The following ZNF804B variants were observed in gnomAD, a reference collection of about 807,000 sequenced individuals.
ZNF804B encodes zinc finger 804B.
In ZNF804B, 80 loss-of-function variants were observed where a neutral mutation model predicts 101.4. The observed-to-expected ratio is 0.79, with a 90% CI of 0.66 to 0.95. ZNF804B has a LOEUF of 0.95. ZNF804B is among the 40% of genes least tolerant of loss of function. The pLI is 0.00. For synonymous variants in ZNF804B, 622 were observed against 558.8 expected, an observed-to-expected ratio of 1.11 and a Z score of -1.59; for missense variants, 1,673 against 1,561.9, an observed-to-expected ratio of 1.07 and a Z score of -1.20.
intron 1 of ZNF804B, among the ~76,000 whole-genome samples, chr7:88,894,353 C>G (rs931827908): frequency 3.3e-5 from 5 of 151,718 alleles, no homozygotes; most frequent in Non-Finnish European, 7.4e-5. Context: ...AGCTGGGATA[C>G]AGATATGCAC....
intron 1 of ZNF804B, among the ~76,000 whole-genome samples, chr7:88,771,870 T>G (rs1333597379): frequency 6.6e-6 from 1 of 152,112 alleles, no homozygotes; most frequent in Non-Finnish European, 1.5e-5. Flanking sequence ...GAATTATGTA[T>G]TTAATGGCAA....
At chr7:88,799,102 G>A (rs546766606) in intron 1 of ZNF804B, among the ~76,000 whole-genome samples, 4 of 152,012 alleles carry the variant, frequency 2.6e-5, no homozygotes, top group Admixed American at 6.6e-5. Flanking sequence ...CTTGTAACTC[G>A]TGTCAAAGAG....
chr7:89,149,653 G>T (rs1202721855), intron 1 of ZNF804B, among the ~76,000 whole-genome samples: 1 of 151,712 alleles, frequency 6.6e-6, no homozygotes. Flanking sequence ...TTAACATATA[G>T]TGAAAAAGAA....
intron 1 of ZNF804B, among the ~76,000 whole-genome samples, chr7:89,086,629 G>A (rs1469788879): frequency 6.6e-6 from 1 of 151,868 alleles, no homozygotes; most frequent in Non-Finnish European, 1.5e-5. Flanking sequence ...TCCTACCTTG[G>A]TTTCAAATAC....
intron 1 of ZNF804B, among the ~76,000 whole-genome samples, chr7:89,187,849 G>C (rs575347278): frequency 2.0e-4 from 31 of 152,204 alleles, no homozygotes; most frequent in African/African-American, 7.5e-4. Context: ...GAGTTCAAAA[G>C]AAACTTGTCA....
At chr7:88,905,205 T>A (rs906321398) in intron 1 of ZNF804B, among the ~76,000 whole-genome samples, 2 of 152,202 alleles carry the variant, frequency 1.3e-5, no homozygotes, top group Non-Finnish European at 2.9e-5. Context: ...ATTGAGATAA[T>A]CATAAGGTTT....
At chr7:88,941,147 C>T (rs1425033555) in intron 1 of ZNF804B, among the ~76,000 whole-genome samples, 2 of 151,972 alleles carry the variant, frequency 1.3e-5, no homozygotes, top group African/African-American at 4.8e-5. Flanking sequence ...AATAGAATCT[C>T]TCATTCTTTG....
chr7:89,193,567 G>C (rs1788495448), intron 1 of ZNF804B, among the ~76,000 whole-genome samples: 1 of 148,906 alleles, frequency 6.7e-6, no homozygotes, highest in African/African-American at 2.5e-5. Flanking sequence ...GTTGTGTTTG[G>C]TTTTTTGTCC....
chr7:89,034,337 A>G (rs1168284180), intron 1 of ZNF804B, among the ~76,000 whole-genome samples: 1 of 152,076 alleles, frequency 6.6e-6, no homozygotes, highest in African/African-American at 2.4e-5. Flanking sequence ...ATAGGTATAC[A>G]TGTGCCGTGG....
chr7:89,275,845 A>G (rs1789972020), intron 2 of ZNF804B, among the ~76,000 whole-genome samples: 2 of 151,862 alleles, frequency 1.3e-5, no homozygotes, highest in Non-Finnish European at 2.9e-5. Context: ...CCCATCGCCT[A>G]GAAATGTTAC....
chr7:89,109,850 A>G (rs1790189435), intron 1 of ZNF804B, among the ~76,000 whole-genome samples: 1 of 152,126 alleles, frequency 6.6e-6, no homozygotes, highest in Non-Finnish European at 1.5e-5. Context: ...GTGAGTTTAT[A>G]TGTCTTACTA....
chr7:88,811,443 T>C (rs1790785201), intron 1 of ZNF804B, among the ~76,000 whole-genome samples: 1 of 152,154 alleles, frequency 6.6e-6, no homozygotes, highest in African/African-American at 2.4e-5. Context: ...GAACCATAAA[T>C]ACCATTTGAC....
intron 2 of ZNF804B, among the ~76,000 whole-genome samples, chr7:89,265,920 T>C (rs10248522): frequency 0.041 from 6,269 of 152,268 alleles, 142 homozygotes; most frequent in Non-Finnish European, 0.049. Context: ...ATTGCAGTTC[T>C]TTTAGGGAGA....
chr7:89,317,709 C>A (rs1319092281), intron 2 of ZNF804B, among the ~76,000 whole-genome samples: 1 of 152,192 alleles, frequency 6.6e-6, no homozygotes, highest in Admixed American at 6.5e-5. Context: ...CAGGAAAGTT[C>A]AAGTGCATAA....
chr7:89,097,621 A>G (rs969760383), intron 1 of ZNF804B, among the ~76,000 whole-genome samples: 2 of 152,300 alleles, frequency 1.3e-5, no homozygotes, highest in East Asian at 1.9e-4. Flanking sequence ...TATCAACTCA[A>G]ATAAAACCTA....
chr7:89,137,374 C>T (rs549351672), intron 1 of ZNF804B, among the ~76,000 whole-genome samples: 16 of 152,104 alleles, frequency 1.1e-4, no homozygotes, highest in South Asian at 4.2e-4. Flanking sequence ...ATGGCTTTGG[C>T]GAAAATTCTA....
At chr7:88,933,931 CAAAA>C (rs3034321) in intron 1 of ZNF804B, among the ~76,000 whole-genome samples, 2 of 135,640 alleles carry the variant, frequency 1.5e-5, no homozygotes, top group African/African-American at 2.6e-5. Context: ...TGTATTAAAC[CAAAA>C]AAAAAAAAAA....
intron 2 of ZNF804B, among the ~76,000 whole-genome samples, chr7:89,279,756 G>A (rs1366391334): frequency 6.6e-6 from 1 of 151,908 alleles, no homozygotes; most frequent in African/African-American, 2.4e-5. Context: ...CGGTTTGCCA[G>A]TATTTTATTG....
intron 1 of ZNF804B, among the ~76,000 whole-genome samples, chr7:89,046,782 T>TAG (rs1274544648): frequency 2.0e-5 from 3 of 152,116 alleles, no homozygotes; most frequent in African/African-American, 2.4e-5. Flanking sequence ...GGAGATACCC[T>TAG]ATTACTTATC....
Sources: allele counts gnomAD v4.1 joint callset (sites outside exome capture counted in the v4.1 genomes callset), GRCh38; gene constraint gnomAD v4.1.1; transcripts MANE v1.5; gene names NCBI Gene and HGNC (gene_info 2026-07-23, HGNC 2026-07-21).